LASP1: variants seen among roughly 807,000 people sequenced by gnomAD.
LASP1 encodes LIM and SH3 domain protein 1.
A neutral mutation model predicts 38.6 loss-of-function variants in LASP1; 10 were observed. The ratio of observed to expected loss-of-function variants is 0.26; its 90% CI spans 0.16 to 0.44. LASP1 has a LOEUF of 0.44. Among genes scored for constraint, LASP1 ranks in the 20% least tolerant of loss-of-function variants. The pLI is 1.00. For missense variants in LASP1, 243 were observed against 375.7 expected (o/e 0.65, Z 2.92); for synonymous variants, 132 against 140.8 (o/e 0.94, Z 0.44).
chr17:38,909,986 A>T (rs1437794140), intron 4 of LASP1, among the ~76,000 whole-genome samples: 1 of 152,136 alleles, frequency 6.6e-6, no homozygotes, highest in East Asian at 1.9e-4. Flanking sequence ...GACTTCAAGC[A>T]ATCTGCCAAC....
At chr17:38,893,771 G>T (rs549015095) in intron 3 of LASP1, among the ~76,000 whole-genome samples, 1 of 152,196 alleles carries the variant, frequency 6.6e-6, no homozygotes, top group African/African-American at 2.4e-5. Flanking sequence ...GGGCTGAGCC[G>T]GCCAGGCTGG....
rs1350353736 is a variant in LASP1 at position 38,915,144 on chromosome 17, G to C, written c.610G>C (p.Gly204Arg). Reference sequence around the variant, plus strand: ...ACAGCGCAGCGCCCCAGGTGGTGGCGGGGTGAGTAACCCTGGCCGGAGGGG... The same window carrying C: ...ACAGCGCAGCGCCCCAGGTGGTGGCCGGGTGAGTAACCCTGGCCGGAGGGG... The part of the protein sequence containing the change: ...SIQRSAPGGG[G>R]KRYRAVYDYS... The change falls in exon 6 of 7, where the codon GGG becomes CGG. Residue 204 changes from glycine to arginine, a missense_variant and splice_region_variant. Physicochemically the swap from Gly to Arg is moderately radical, Grantham distance 125. Around this residue, in one of 4 missense-constraint regions of LASP1, gnomAD observed 165 missense variants for 210.3 expected, o/e 0.78. Transcript: ENST00000318008. 1 of 1,613,588 alleles carries C rather than the reference G, an allele frequency of 6.2e-7. No individual in the cohort carries two copies. Among genetic ancestry groups the C allele is most frequent in the South Asian group, 1.1e-5 (1 of 91,044 alleles).
intron 3 of LASP1, chr17:38,897,219 AG>A (rs1914513962): frequency 2.1e-5 from 9 of 427,522 alleles, no homozygotes; most frequent in Non-Finnish European, 2.5e-5. Flanking sequence ...TGGGGGCTTC[AG>A]GAGACAAACA....
At chr17:38,908,689 C>T (rs82974) in intron 4 of LASP1, among the ~76,000 whole-genome samples, 114,033 of 152,194 alleles carry the variant, frequency 0.75, 43,171 homozygotes, top group African/African-American at 0.82. Context: ...ACTGGACTCC[C>T]CCCAGACTCT....
At chr17:38,891,431 G>A (rs1210552795) in intron 3 of LASP1, among the ~76,000 whole-genome samples, 4 of 152,134 alleles carry the variant, frequency 2.6e-5, no homozygotes, top group Admixed American at 1.3e-4. Flanking sequence ...CCTGCCTTTT[G>A]TCAGGCTTTC....
chr17:38,870,685 G>A (rs1913577142), intron 1 of LASP1, among the ~76,000 whole-genome samples: 1 of 152,022 alleles, frequency 6.6e-6, no homozygotes, highest in South Asian at 2.1e-4. Context: ...GGGCGGGGGG[G>A]CGGGGCAGAG....
intron 3 of LASP1, among the ~76,000 whole-genome samples, chr17:38,895,406 C>T (rs545230245): frequency 3.3e-5 from 5 of 151,868 alleles, no homozygotes; most frequent in South Asian, 4.2e-4. Context: ...CTGCAACCTC[C>T]GGCTCCCAGG....
chr17:38,902,243 C>T (rs1914661135), intron 4 of LASP1, among the ~76,000 whole-genome samples: 1 of 151,526 alleles, frequency 6.6e-6, no homozygotes, highest in African/African-American at 2.4e-5. Flanking sequence ...CTTTTTTTTG[C>T]AGAGACACTA....
At chr17:38,887,473 G>A (rs931213694) in intron 2 of LASP1, among the ~76,000 whole-genome samples, 4 of 152,242 alleles carry the variant, frequency 2.6e-5, no homozygotes, top group African/African-American at 9.6e-5. Context: ...AGCTGTGGGT[G>A]GCCCTGGCTG....
At chr17:38,884,331 A>G (rs564685294) in intron 2 of LASP1, among the ~76,000 whole-genome samples, 93 of 107,542 alleles carry the variant, frequency 8.6e-4, no homozygotes, top group African/African-American at 2.5e-3. Flanking sequence ...CCTCACAGAT[A>G]ACCCCTCTCC....
chr17:38,909,728 C>CTCATTCATTCAT lies in LASP1; in HGVS notation c.358-4575_358-4564dup, dbSNP rs111395734. Among the ~76,000 whole-genome samples the CTCATTCATTCAT allele has an allele frequency of 1.8e-3, 265 of 150,000 alleles. 1 individual carries two copies. The highest frequency in any genetic ancestry group is 3.6e-3 in the East Asian group (18 of 5,066). On this transcript the variant is annotated intron_variant, in intron 4 of 6. Coordinates refer to ENST00000318008, the MANE Select transcript of LASP1 (RefSeq NM_006148.4). Reference sequence around the variant, plus strand: ...ACTCCTGGTTCTGGTTCTTTTTCATCTCATTCATTCATTCATTCATTCATT... The same window carrying CTCATTCATTCAT: ...ACTCCTGGTTCTGGTTCTTTTTCATCTCATTCATTCATTCATTCATTCATTCATTCATTCATT...
At chr17:38,897,294 A>G (rs1198713191) in intron 3 of LASP1, among the ~76,000 whole-genome samples, 1 of 152,258 alleles carries the variant, frequency 6.6e-6, no homozygotes, top group Non-Finnish European at 1.5e-5. Context: ...CTGCATGCGC[A>G]TGCGCAGTCG....
intron 4 of LASP1, among the ~76,000 whole-genome samples, chr17:38,913,682 G>GC (rs1915021401): frequency 6.6e-6 from 1 of 152,044 alleles, no homozygotes; most frequent in Non-Finnish European, 1.5e-5. Flanking sequence ...AAACAGAGCA[G>GC]CCCCGCCCCT....
intron 4 of LASP1, among the ~76,000 whole-genome samples, chr17:38,909,828 A>G (rs1914881971): frequency 6.6e-6 from 1 of 152,018 alleles, no homozygotes; most frequent in African/African-American, 2.4e-5. Context: ...GCTCACTGCA[A>G]TCTCCGTCTC....
intron 1 of LASP1, among the ~76,000 whole-genome samples, chr17:38,870,538 A>T (rs1231527037): frequency 6.6e-6 from 1 of 152,136 alleles, no homozygotes; most frequent in Non-Finnish European, 1.5e-5. Flanking sequence ...CAGGGAAGTC[A>T]GGCGCCGGGG....
intron 1 of LASP1, among the ~76,000 whole-genome samples, chr17:38,870,588 C>A (rs1913571092): frequency 1.3e-5 from 2 of 150,182 alleles, no homozygotes; most frequent in South Asian, 4.3e-4. Flanking sequence ...CCGCCCCCTA[C>A]GGCCTGGAGA....
intron 2 of LASP1, 42 bp from the exon 3 acceptor site, chr17:38,890,378 C>G: frequency 1.3e-6 from 2 of 1,564,618 alleles, no homozygotes; most frequent in Non-Finnish European, 1.8e-6. Flanking sequence ...GCTCCTGCCC[C>G]TCCCCCAGAG....
intron 6 of LASP1, chr17:38,916,076 A>T (rs535657743): frequency 2.0e-4 from 31 of 152,362 alleles, no homozygotes; most frequent in African/African-American, 7.2e-4. Flanking sequence ...TCCCTCCTCA[A>T]TGGGTCTGTC....
At chr17:38,872,822 TC>T (rs1430539263) in intron 1 of LASP1, among the ~76,000 whole-genome samples, 6 of 152,088 alleles carry the variant, frequency 3.9e-5, no homozygotes, top group African/African-American at 1.4e-4. Context: ...GAGCCTTATC[TC>T]CCAAAGGCAT....
Sources: gnomAD v4.1 joint callset for allele counts (sites outside exome capture counted in the v4.1 genomes callset) on GRCh38, gnomAD v4.1.1 for gene constraint, gnomAD v4.1.1 regional missense constraint, MANE v1.5 for transcripts, NCBI Gene and HGNC (gene_info 2026-07-23, HGNC 2026-07-21) for gene names.